The following DYNC2I1 variants were observed in gnomAD, a reference collection of about 807,000 sequenced individuals.
The protein encoded by DYNC2I1 is cytoplasmic dynein 2 intermediate chain 1.
A neutral mutation model predicts 133.4 loss-of-function variants in DYNC2I1; 89 were observed. The observed-to-expected ratio is 0.67, with a 90% CI of 0.56 to 0.80. DYNC2I1 has a LOEUF of 0.80. Ranked by LOEUF, DYNC2I1 falls within the 30% of genes least tolerant of loss-of-function variation. The pLI, the probability that DYNC2I1 is intolerant of heterozygous loss-of-function variation, is 0.00. For synonymous variants in DYNC2I1, 504 were observed against 484.3 expected, an observed-to-expected ratio of 1.04 and a Z score of -0.54; for missense variants, 1,291 against 1,314.5, an observed-to-expected ratio of 0.98 and a Z score of 0.28.
chr7:158,910,478 G>A (rs1366138534), intron 11 of DYNC2I1, among the ~76,000 whole-genome samples: 3 of 151,792 alleles, frequency 2.0e-5, no homozygotes, highest in African/African-American at 4.8e-5. Flanking sequence ...TGGGCCGAGT[G>A]CGATTGGCTG....
rs1306148428 is a variant in DYNC2I1, at chr7:158,922,519, G to A, written c.2064G>A (p.Gly688=). 13 of 1,613,874 alleles carry A rather than the reference G, an allele frequency of 8.1e-6. No homozygotes were observed. The highest frequency in any genetic ancestry group is 1.1e-5 in the Non-Finnish European group (13 of 1,179,858). The change falls in exon 16 of 25, where the codon GGG becomes GGA. Residue 688 remains glycine, a synonymous_variant. Coordinates refer to ENST00000407559, the MANE Select transcript of DYNC2I1 (RefSeq NM_018051.5). ...LCVWDIWQPS[G]PQKVLICESQ... Reference sequence around the variant, plus strand: ...TGTGGGATATTTGGCAGCCTTCAGGGCCACAGAAAGTTCTGATATGTGAGT... The same window carrying A: ...TGTGGGATATTTGGCAGCCTTCAGGACCACAGAAAGTTCTGATATGTGAGT...
chr7:158,934,532 G>A lies in DYNC2I1; in HGVS notation c.2761G>A (p.Gly921Arg). ...TAATGTCATTGATTTTTCACCATTT[G>A]GAGAACCAATATTTTTGGTAAGAAA... ...KVNVIDFSPF[G>R]EPIFLAGCSD... The change falls in exon 23 of 25, where the codon GGA becomes AGA. Residue 921 changes from glycine (G) to arginine (R), a missense_variant. By Grantham distance (125) the Gly-to-Arg change is moderately radical (BLOSUM62 -2). Coordinates refer to ENST00000407559, the MANE Select transcript of DYNC2I1 (RefSeq NM_018051.5). 2 of 1,553,868 alleles carry A rather than the reference G, an allele frequency of 1.3e-6. No homozygotes were observed. Among genetic ancestry groups the A allele is most frequent in the Non-Finnish European group, 1.7e-6 (2 of 1,148,150 alleles).
chr7:158,906,232 T>C (rs371839907), intron 11 of DYNC2I1, 141 bp downstream of exon 11: 2 of 685,212 alleles, frequency 2.9e-6, no homozygotes, highest in African/African-American at 3.6e-5. Context: ...ACTACACTTT[T>C]GTGTTGAGAT....
chr7:158,935,950 C>T (rs916486856), intron 23 of DYNC2I1, among the ~76,000 whole-genome samples: 4 of 152,068 alleles, frequency 2.6e-5, no homozygotes, highest in Admixed American at 6.6e-5. Context: ...CCCAGCACTT[C>T]GGGCATCCCA....
At chr7:158,952,213 G>A (rs1263245295) in intron 4 of DYNC2I1, among the ~76,000 whole-genome samples, 3 of 152,222 alleles carry the variant, frequency 2.0e-5, no homozygotes, top group African/African-American at 7.2e-5. Flanking sequence ...CACATGTTGT[G>A]GGGGATGGGA....
At chr7:158,932,908 G>C (rs1272779337) in intron 21 of DYNC2I1, among the ~76,000 whole-genome samples, 1 of 152,224 alleles carries the variant, frequency 6.6e-6, no homozygotes, top group African/African-American at 2.4e-5. Context: ...TGTCTGGTTG[G>C]TGACTGGGCA....
At chr7:158,940,297 A>G (rs1233969812) in intron 23 of DYNC2I1, among the ~76,000 whole-genome samples, 2 of 152,178 alleles carry the variant, frequency 1.3e-5, no homozygotes, top group East Asian at 3.9e-4. Flanking sequence ...TCCCTCGCAT[A>G]CACAGTTCAC....
rs760864721 is a variant in DYNC2I1 at position 158,918,707 on chromosome 7, T to G, written c.1792-33T>G. The G allele has an allele frequency of 1.9e-6, 3 of 1,601,594 alleles. No homozygotes were observed. The African/African-American group carries it at 4.0e-5, about 21-fold the overall frequency. ...TGGAAAAGATAATCCATTGTGAAGT[T>G]TTTATTAAAGACTACTCACTTATGT... On this transcript the variant is annotated intron_variant, in intron 14 of 24. Coordinates refer to ENST00000407559, the MANE Select transcript of DYNC2I1 (RefSeq NM_018051.5).
intron 7 of DYNC2I1, among the ~76,000 whole-genome samples, chr7:158,889,125 G>GGCTGGA (rs957920451): frequency 5.0e-5 from 7 of 138,952 alleles, no homozygotes; most frequent in African/African-American, 1.9e-4. Context: ...TTGTCACCCA[G>GGCTGGA]GCTGGAGCGC....
At chr7:158,919,584 T>C (rs1330316395) in intron 15 of DYNC2I1, among the ~76,000 whole-genome samples, 1 of 152,100 alleles carries the variant, frequency 6.6e-6, no homozygotes, top group Non-Finnish European at 1.5e-5. Flanking sequence ...CAGGTGCGGG[T>C]GTGCTGCAGG....
intron 1 of DYNC2I1, among the ~76,000 whole-genome samples, chr7:158,857,528 C>A (rs531074023): frequency 1.3e-5 from 2 of 148,554 alleles, no homozygotes; most frequent in Admixed American, 1.4e-4. Flanking sequence ...GTTATATAAA[C>A]CTTAGGTTTT....
At chr7:158,904,981 A>G (rs996831914) in intron 10 of DYNC2I1, 4 of 285,576 alleles carry the variant, frequency 1.4e-5, no homozygotes, top group Non-Finnish European at 2.7e-5. Context: ...TGAAAAGACG[A>G]TAAGATGCAG....
At chr7:158,925,168 C>G (rs1273628711) in intron 17 of DYNC2I1, among the ~76,000 whole-genome samples, 1 of 152,178 alleles carries the variant, frequency 6.6e-6, no homozygotes, top group Non-Finnish European at 1.5e-5. Flanking sequence ...AAATTCTCAC[C>G]CGGGAGACCA....
At chr7:158,892,131 C>A (rs1372222681) in intron 8 of DYNC2I1, among the ~76,000 whole-genome samples, 1 of 152,182 alleles carries the variant, frequency 6.6e-6, no homozygotes, top group Non-Finnish European at 1.5e-5. Flanking sequence ...TGGCTGAGTG[C>A]CTGGCCCACA....
intron 8 of DYNC2I1, among the ~76,000 whole-genome samples, chr7:158,900,234 G>T (rs1411297085): frequency 6.6e-6 from 1 of 151,038 alleles, no homozygotes; most frequent in African/African-American, 2.4e-5. Context: ...TGATTCTCCT[G>T]CTTCAGCCTC....
intron 4 of DYNC2I1, among the ~76,000 whole-genome samples, chr7:158,951,210 G>C (rs1480261985): frequency 3.9e-5 from 6 of 152,234 alleles, no homozygotes; most frequent in African/African-American, 1.4e-4. Context: ...AAGCATTTTG[G>C]TTGAATGCTG....
chr7:158,854,863 CTTTG>C (rs1250829031), upstream of DYNC2I1, among the ~76,000 whole-genome samples: 3 of 152,190 alleles, frequency 2.0e-5, no homozygotes, highest in Admixed American at 6.5e-5. Flanking sequence ...ATTGGCGTGT[CTTTG>C]TTTAAGTGAG....
intron 23 of DYNC2I1, among the ~76,000 whole-genome samples, chr7:158,939,683 A>G (rs1352980717): frequency 6.6e-6 from 1 of 152,190 alleles, no homozygotes; most frequent in African/African-American, 2.4e-5. Flanking sequence ...GAATGGCTGA[A>G]TGGTTAAAGA....
intron 5 of DYNC2I1, among the ~76,000 whole-genome samples, chr7:158,880,468 G>A (rs562576326): frequency 1.7e-4 from 26 of 152,202 alleles, no homozygotes; most frequent in Admixed American, 1.6e-3. Context: ...ATCTGGGAAG[G>A]AGAATTGCTG....
Sources: allele counts gnomAD v4.1 joint callset (sites outside exome capture counted in the v4.1 genomes callset), GRCh38; gene constraint gnomAD v4.1.1; transcripts MANE v1.5; gene names NCBI Gene and HGNC (gene_info 2026-07-23, HGNC 2026-07-21).